C10orf90: variants seen among roughly 807,000 people sequenced by gnomAD.
The protein encoded by C10orf90 is chromosome 10 open reading frame 90, also known as (E2-independent) E3 ubiquitin-conjugating enzyme FATS.
A neutral mutation model predicts 62.5 loss-of-function variants in C10orf90; 56 were observed. The ratio of observed to expected loss-of-function variants is 0.90; its 90% confidence interval spans 0.72 to 1.12. C10orf90 has a LOEUF of 1.12. Ranked by LOEUF, C10orf90 falls within the 50% of genes most tolerant of loss-of-function variation. The pLI is 0.00. For missense variants in C10orf90, 970 were observed against 880.4 expected (o/e 1.10, Z -1.29); for synonymous variants, 386 against 340.4 (o/e 1.13, Z -1.47).
intron 1 of C10orf90, among the ~76,000 whole-genome samples, chr10:126,659,747 C>G (rs1219482969): frequency 1.3e-5 from 2 of 152,220 alleles, no homozygotes; most frequent in African/African-American, 4.8e-5. Context: ...GTTTGTCCAT[C>G]TGTCTGTCTG....
chr10:126,563,909 G>A lies in C10orf90; in HGVS notation c.314-49970C>T, dbSNP rs139129807. 4.8e-3 allele frequency among the ~76,000 whole-genome samples: 731 copies of A among 152,284 alleles called. 3 individuals carry two copies. The highest frequency in any genetic ancestry group is 8.6e-3 in the Non-Finnish European group (587 of 68,028). On this transcript the variant is annotated intron_variant, in intron 2 of 9. Transcript: ENST00000488181. ...TAAAGGCCATGACCACGGAAGCTGA[G>A]AACAGGCGTTCTCAATCTCAGCACT...
rs1216845594 is a variant in C10orf90, at chr10:126,532,031, G to A, written c.314-18092C>T. On this transcript the variant is annotated intron_variant, in intron 2 of 9. Transcript: ENST00000488181. ...ACATTTGGTTAGTTTCTGGGTAGCT[G>A]TGTGTAGCATATAAACTTAGGCAGT... 3.3e-5 allele frequency among the ~76,000 whole-genome samples: 5 copies of A among 152,314 alleles called. No individual in the cohort carries two copies. The East Asian group carries it at 5.8e-4, about 18-fold the overall frequency.
chr10:126,542,339 C>T (rs1428798624), intron 2 of C10orf90, among the ~76,000 whole-genome samples: 1 of 151,872 alleles, frequency 6.6e-6, no homozygotes, highest in Non-Finnish European at 1.5e-5. Flanking sequence ...CCCATCTCTA[C>T]TAAAAATACA....
At chr10:126,665,576 T>C (rs1282682216) in intron 1 of C10orf90, among the ~76,000 whole-genome samples, 1 of 152,150 alleles carries the variant, frequency 6.6e-6, no homozygotes, top group Admixed American at 6.5e-5. Context: ...CTTCCAGCCA[T>C]GATAGAGTAA....
chr10:126,626,733 G>C (rs11815934), intron 2 of C10orf90, among the ~76,000 whole-genome samples: 2,133 of 152,288 alleles, frequency 0.014, 66 homozygotes, highest in African/African-American at 0.05. Flanking sequence ...CTATATTGGT[G>C]CAATGGCTGC....
intron 4 of C10orf90, among the ~76,000 whole-genome samples, chr10:126,487,299 T>A (rs75969912): frequency 8.6e-5 from 13 of 151,854 alleles, no homozygotes; most frequent in African/African-American, 3.1e-4. Context: ...ACAAAATCCA[T>A]CAGATTCACT....
chr10:126,505,628 T>C (rs1862688291), intron 3 of C10orf90, among the ~76,000 whole-genome samples: 1 of 152,176 alleles, frequency 6.6e-6, no homozygotes, highest in African/African-American at 2.4e-5. Flanking sequence ...CTTGGCATCA[T>C]GGAAGTCAAG....
At chr10:126,579,074 A>ATTTT (rs1564880110) in intron 2 of C10orf90, among the ~76,000 whole-genome samples, 2 of 139,658 alleles carry the variant, frequency 1.4e-5, no homozygotes, top group African/African-American at 5.5e-5. Flanking sequence ...TTTTTTTTAA[A>ATTTT]AAAAAAAACC....
chr10:126,632,097 G>A (rs1323770680), intron 2 of C10orf90, among the ~76,000 whole-genome samples: 2 of 152,146 alleles, frequency 1.3e-5, no homozygotes, highest in African/African-American at 2.4e-5. Flanking sequence ...GAGACACCAT[G>A]TTGCCCAGAA....
intron 2 of C10orf90, among the ~76,000 whole-genome samples, chr10:126,607,053 T>C (rs1034067897): frequency 1.2e-4 from 19 of 152,344 alleles, no homozygotes; most frequent in African/African-American, 4.6e-4. Context: ...GCCTTTGCCA[T>C]GGAGTTACCA....
At chr10:126,434,512 G>A (rs996303175) in intron 7 of C10orf90, among the ~76,000 whole-genome samples, 4 of 152,080 alleles carry the variant, frequency 2.6e-5, no homozygotes, top group African/African-American at 9.7e-5. Flanking sequence ...AAGTCACCCC[G>A]AGCACTTTGA....
chr10:126,566,729 G>A (rs767892177), intron 2 of C10orf90, among the ~76,000 whole-genome samples: 2 of 152,186 alleles, frequency 1.3e-5, no homozygotes, highest in Non-Finnish European at 2.9e-5. Context: ...CACAGGTGCT[G>A]ACCTTTTAGG....
At chr10:126,500,614 T>C (rs1303000591) in intron 4 of C10orf90, among the ~76,000 whole-genome samples, 1 of 152,200 alleles carries the variant, frequency 6.6e-6, no homozygotes, top group Non-Finnish European at 1.5e-5. Context: ...TGGTGCTATC[T>C]GAATGCTTAC....
Position 126,504,141 on chromosome 10 carries a change from C to T in C10orf90, c.1350G>A (p.Val450=). The T allele has an allele frequency of 1.2e-6, 2 of 1,614,076 alleles. No homozygotes were observed. The highest frequency in any genetic ancestry group is 1.7e-6 in the Non-Finnish European group (2 of 1,179,952). ...HLKETPSLRR[V]HLGTGACPWS... Reference sequence around the variant, plus strand: ...AAGGACAAGCGCCGGTCCCCAAATGCACCCGCCTCAACGATGGGGTTTCCT... The same window carrying T: ...AAGGACAAGCGCCGGTCCCCAAATGTACCCGCCTCAACGATGGGGTTTCCT... Residue 450 remains valine, a synonymous_variant, in exon 4 of 10, where the codon GTG becomes GTA. Transcript: ENST00000488181. The surrounding 1 kb of genome is among the most constrained non-coding windows in gnomAD (Gnocchi z 4.1).
chr10:126,601,371 G>A (rs1369844004), intron 2 of C10orf90, among the ~76,000 whole-genome samples: 5 of 152,140 alleles, frequency 3.3e-5, no homozygotes, highest in African/African-American at 1.2e-4. Context: ...TATGTGTATG[G>A]TAAATATGTT....
At chr10:126,582,814 G>T (rs1412778558) in intron 2 of C10orf90, among the ~76,000 whole-genome samples, 1 of 152,162 alleles carries the variant, frequency 6.6e-6, no homozygotes, top group African/African-American at 2.4e-5. Context: ...CAAAAGCCTT[G>T]AAATATAAGG....
At chr10:126,451,978 G>C (rs1263308321) in intron 7 of C10orf90, among the ~76,000 whole-genome samples, 4 of 152,110 alleles carry the variant, frequency 2.6e-5, no homozygotes, top group Non-Finnish European at 5.9e-5. Context: ...TAGCTAAACT[G>C]AATGAGTAAA....
intron 3 of C10orf90, among the ~76,000 whole-genome samples, chr10:126,512,376 GTGTGTGTGTC>G (rs1369641611): frequency 0.012 from 737 of 60,330 alleles, 11 homozygotes; most frequent in African/African-American, 0.035. Flanking sequence ...GTGTGTCTGT[GTGTGTGTGTC>G]TGTGTGTGTG....
intron 6 of C10orf90, among the ~76,000 whole-genome samples, chr10:126,459,873 T>C (rs1859851919): frequency 6.6e-6 from 1 of 151,260 alleles, no homozygotes; most frequent in African/African-American, 2.4e-5. Context: ...TGAACAAGAC[T>C]AACTGCCATT....
Sources: allele counts gnomAD v4.1 joint callset (sites outside exome capture counted in the v4.1 genomes callset), GRCh38; gene constraint gnomAD v4.1.1; non-coding constraint Gnocchi (gnomAD v3.1); transcripts MANE v1.5; gene names NCBI Gene and HGNC (gene_info 2026-07-23, HGNC 2026-07-21).